The following B3GNT5 variants were observed in gnomAD, a reference collection of about 807,000 sequenced individuals.
The protein encoded by B3GNT5 is lactosylceramide 1,3-N-acetyl-beta-D-glucosaminyltransferase.
In B3GNT5, 11 loss-of-function variants were observed where a neutral mutation model predicts 25.9. The observed-to-expected ratio is 0.42, with a 90% CI of 0.27 to 0.70. The LOEUF is 0.70. Among genes scored for constraint, B3GNT5 ranks in the 30% least tolerant of loss-of-function variants. The pLI is 0.23. For synonymous variants in B3GNT5, 166 were observed against 158.6 expected, an observed-to-expected ratio of 1.05 and a Z score of -0.35; for missense variants, 385 against 458.4, an observed-to-expected ratio of 0.84 and a Z score of 1.46.
intron 1 of B3GNT5, among the ~76,000 whole-genome samples, chr3:183,268,509 TG>T (rs58535820): frequency 4.0e-5 from 6 of 148,390 alleles, no homozygotes; most frequent in East Asian, 4.0e-4. Context: ...GTGGAGAAAA[TG>T]GGGGGGGCGG....
chr3:183,265,731 T>C (rs1303836822), intron 1 of B3GNT5, among the ~76,000 whole-genome samples: 1 of 152,236 alleles, frequency 6.6e-6, no homozygotes, highest in Non-Finnish European at 1.5e-5. Context: ...GGAGTTTTAC[T>C]TTTCCTAAAT....
At chr3:183,262,217 T>C (rs1725671409) in intron 1 of B3GNT5, among the ~76,000 whole-genome samples, 1 of 150,872 alleles carries the variant, frequency 6.6e-6, no homozygotes, top group Non-Finnish European at 1.5e-5. Flanking sequence ...TTTATGATAC[T>C]TTATTATATA....
chr3:183,262,281 C>T (rs1184476500), intron 1 of B3GNT5, among the ~76,000 whole-genome samples: 2 of 151,366 alleles, frequency 1.3e-5, no homozygotes, highest in Non-Finnish European at 2.9e-5. Context: ...CATACATATA[C>T]TAAGAATGCA....
At chr3:183,269,230 C>CTTTTTTTTGTTTTTTTTT (rs1726470795) in intron 1 of B3GNT5, among the ~76,000 whole-genome samples, 1 of 81,030 alleles carries the variant, frequency 1.2e-5, no homozygotes, top group Non-Finnish European at 2.2e-5. Context: ...GTTTGGGAAG[C>CTTTTTTTTGTTTTTTTTT]TTTTTTTTTT....
chr3:183,264,707 C>T (rs1381564923), intron 1 of B3GNT5, among the ~76,000 whole-genome samples: 1 of 152,162 alleles, frequency 6.6e-6, no homozygotes, highest in Non-Finnish European at 1.5e-5. Flanking sequence ...GTAGACTCAA[C>T]AAAGAAATGA....
At chr3:183,263,818 C>T (rs937280338) in intron 1 of B3GNT5, among the ~76,000 whole-genome samples, 1 of 152,150 alleles carries the variant, frequency 6.6e-6, no homozygotes. Flanking sequence ...GAAATTAGCT[C>T]TTACTTCTCT....
At chr3:183,255,656 A>G (rs923310900) in intron 1 of B3GNT5, among the ~76,000 whole-genome samples, 3 of 152,212 alleles carry the variant, frequency 2.0e-5, no homozygotes, top group African/African-American at 7.2e-5. Context: ...AGAGATGCTT[A>G]TAACTGCTCT....
intron 1 of B3GNT5, among the ~76,000 whole-genome samples, chr3:183,259,368 C>G (rs532783895): frequency 6.6e-6 from 1 of 152,184 alleles, no homozygotes; most frequent in Non-Finnish European, 1.5e-5. Context: ...CATTAAAGGG[C>G]TGGGTATGCA....
chr3:183,266,588 G>A (rs1726147627), intron 1 of B3GNT5, among the ~76,000 whole-genome samples: 1 of 152,204 alleles, frequency 6.6e-6, no homozygotes, highest in Non-Finnish European at 1.5e-5. Context: ...GAGCACTGTG[G>A]AAAGACTGAG....
At chr3:183,260,921 C>T (rs1725524911) in intron 1 of B3GNT5, among the ~76,000 whole-genome samples, 1 of 152,190 alleles carries the variant, frequency 6.6e-6, no homozygotes, top group African/African-American at 2.4e-5. Flanking sequence ...CTAATTGTTG[C>T]CCATGGCTTG....
intron 1 of B3GNT5, chr3:183,254,834 T>G (rs1165725582): frequency 6.6e-6 from 1 of 152,236 alleles, no homozygotes. Flanking sequence ...CAGATCTCCC[T>G]GGCGGGGAGG....
intron 1 of B3GNT5, among the ~76,000 whole-genome samples, chr3:183,255,258 C>A (rs1218640452): frequency 6.6e-6 from 1 of 152,140 alleles, no homozygotes; most frequent in Non-Finnish European, 1.5e-5. Context: ...ATGATTCCAC[C>A]CTGAACTTTC....
chr3:183,269,230 C>CTTTTTTTTGTTTTTTTTTTTTTTTTTT (rs1726470795), intron 1 of B3GNT5, among the ~76,000 whole-genome samples: 1 of 81,030 alleles, frequency 1.2e-5, no homozygotes, highest in Non-Finnish European at 2.2e-5. Context: ...GTTTGGGAAG[C>CTTTTTTTTGTTTTTTTTTTTTTTTTTT]TTTTTTTTTT....
intron 1 of B3GNT5, among the ~76,000 whole-genome samples, chr3:183,260,715 A>G (rs1725505200): frequency 6.6e-6 from 1 of 152,204 alleles, no homozygotes; most frequent in Non-Finnish European, 1.5e-5. Context: ...TTTAACTTAT[A>G]AAGAGATATA....
intron 1 of B3GNT5, among the ~76,000 whole-genome samples, chr3:183,266,583 C>T (rs903700843): frequency 6.6e-6 from 1 of 152,164 alleles, no homozygotes; most frequent in Non-Finnish European, 1.5e-5. Flanking sequence ...TGGATGAGCA[C>T]TGTGGAAAGA....
At position 183,269,574 on chromosome 3, in the gene B3GNT5, A is replaced by G. The variant is rs1392332814; in HGVS notation, c.-225A>G. On this transcript the variant is annotated 5_prime_UTR_variant, in exon 2 of 2. Coordinates refer to ENST00000326505, the MANE Select transcript of B3GNT5 (RefSeq NM_032047.5). ...TCCTGAAGGATGCCCGTGTGGAAGA[A>G]TTTTGACGTGCCAGTGTCCTCGTTC... 1.5e-5 allele frequency: 7 copies of G among 457,622 alleles called. No homozygotes were observed. Among genetic ancestry groups the G allele is most frequent in the Non-Finnish European group, 2.3e-5 (6 of 262,756 alleles). 28.3% of individuals were successfully genotyped at this position (457,622 alleles called of 1,614,324 possible). A position where few individuals can be genotyped will look rare whatever the true frequency, so the allele number is the denominator to read the frequency against.
chr3:183,257,727 G>A (rs1483511582), intron 1 of B3GNT5, among the ~76,000 whole-genome samples: 2 of 152,074 alleles, frequency 1.3e-5, no homozygotes, highest in East Asian at 3.9e-4. Flanking sequence ...GCAGACACTG[G>A]GTTATATCGT....
At chr3:183,265,606 G>T (rs1290865645) in intron 1 of B3GNT5, 1 of 152,266 alleles carries the variant, frequency 6.6e-6, no homozygotes, top group Non-Finnish European at 1.5e-5. Context: ...GGCGCAGGCC[G>T]GGGGAGGGCA....
At chr3:183,262,214 T>A (rs1725670211) in intron 1 of B3GNT5, among the ~76,000 whole-genome samples, 1 of 150,704 alleles carries the variant, frequency 6.6e-6, no homozygotes, top group South Asian at 2.1e-4. Flanking sequence ...TGTTTTATGA[T>A]ACTTTATTAT....
Sources: gnomAD v4.1 joint callset for allele counts (sites outside exome capture counted in the v4.1 genomes callset) on GRCh38, gnomAD v4.1.1 for gene constraint, MANE v1.5 for transcripts, NCBI Gene and HGNC (gene_info 2026-07-23, HGNC 2026-07-21) for gene names.